Variants in TNPO3 observed in about 807,000 individuals in gnomAD.
TNPO3 encodes the protein transportin-3.
Under a neutral mutation model 122.8 loss-of-function variants are expected in TNPO3, and 65 were observed. That is an observed-to-expected ratio of 0.53 (90% CI 0.43 to 0.65). TNPO3 has a LOEUF of 0.65. TNPO3 is among the 30% of genes least tolerant of loss of function. The probability of loss-of-function intolerance (pLI) is 0.00; values close to 1 mark genes in which losing one functional copy is unlikely to be tolerated. For synonymous variants in TNPO3, 372 were observed against 411.2 expected (o/e 0.90, Z 1.15); for missense variants, 850 against 1,136.7 (o/e 0.75, Z 3.63).
chr7:129,035,070 C>T (rs983523465), intron 1 of TNPO3, among the ~76,000 whole-genome samples: 2 of 150,608 alleles, frequency 1.3e-5, no homozygotes, highest in African/African-American at 4.9e-5. Context: ...GTCAGGGGAT[C>T]GAGACCATCC....
At chr7:129,032,603 CA>C (rs1204885567) in intron 1 of TNPO3, among the ~76,000 whole-genome samples, 4 of 151,998 alleles carry the variant, frequency 2.6e-5, no homozygotes, top group African/African-American at 9.7e-5. Context: ...ATTCCATTTA[CA>C]ATAGAATAAA....
At chr7:128,960,698 T>TA (rs905289997) in intron 21 of TNPO3, among the ~76,000 whole-genome samples, 112 of 151,822 alleles carry the variant, frequency 7.4e-4, no homozygotes, top group Middle Eastern at 6.8e-3. Context: ...GTCCAAGAGT[T>TA]AAAAAAAATT....
intron 1 of TNPO3, among the ~76,000 whole-genome samples, chr7:129,025,385 A>C (rs916229017): frequency 2.0e-3 from 269 of 137,938 alleles, no homozygotes; most frequent in South Asian, 3.5e-3. Flanking sequence ...AAAAAAAAAA[A>C]AAAAAAAAAA....
intron 10 of TNPO3, 89 bp downstream of exon 10, chr7:128,991,910 G>A (rs1800782887): frequency 2.4e-6 from 2 of 836,494 alleles, no homozygotes; most frequent in East Asian, 5.3e-5. Flanking sequence ...AAGTCTCCAG[G>A]TATATACCAT....
intron 1 of TNPO3, among the ~76,000 whole-genome samples, chr7:129,020,767 T>C (rs551606844): frequency 4.6e-5 from 7 of 152,134 alleles, no homozygotes; most frequent in Admixed American, 4.6e-4. Context: ...GCAAAAAGAT[T>C]CTATGAAGCT....
intron 21 of TNPO3, among the ~76,000 whole-genome samples, chr7:128,962,725 G>A (rs1797587254): frequency 6.6e-6 from 1 of 152,306 alleles, no homozygotes; most frequent in Middle Eastern, 3.4e-3. Context: ...TATAGGAAGA[G>A]CTGCAAAACT....
intron 19 of TNPO3, among the ~76,000 whole-genome samples, chr7:128,971,947 G>A (rs1023072994): frequency 6.6e-6 from 1 of 152,170 alleles, no homozygotes; most frequent in African/African-American, 2.4e-5. Context: ...CTTGAGGCCA[G>A]GAGTTCAAGA....
chr7:128,955,764 C>T (rs1796836138), intron 22 of TNPO3, among the ~76,000 whole-genome samples: 1 of 152,180 alleles, frequency 6.6e-6, no homozygotes, highest in South Asian at 2.1e-4. Context: ...AAGGCTTTGC[C>T]TACTAATAAC....
In TNPO3 at chr7:128,986,709, G is replaced by T; in HGVS notation, c.1690+20C>A. 1.3e-6 allele frequency: 2 copies of T among 1,598,478 alleles called. No homozygotes were observed. Among genetic ancestry groups the T allele is most frequent in the Non-Finnish European group, 1.7e-6 (2 of 1,172,932 alleles). On this transcript the variant is annotated intron_variant, in intron 12 of 22. Coordinates refer to ENST00000265388, the MANE Select transcript of TNPO3 (RefSeq NM_012470.4). Reference sequence around the variant, plus strand: ...TAGTGGCTTTGAGGTGACTATTAGTGGTTAACATCAAGTGAGTACCTTTTA... The same window carrying T: ...TAGTGGCTTTGAGGTGACTATTAGTTGTTAACATCAAGTGAGTACCTTTTA...
intron 1 of TNPO3, among the ~76,000 whole-genome samples, chr7:129,053,039 T>C (rs1015000612): frequency 2.0e-5 from 3 of 152,000 alleles, no homozygotes; most frequent in African/African-American, 7.2e-5. Flanking sequence ...AAAGTCAAAG[T>C]TGCAGCGGGG....
At position 128,986,845 on chromosome 7, in the gene TNPO3, T is replaced by C. The variant is rs1368231783; in HGVS notation, c.1574A>G (p.Asn525Ser). The change falls in exon 12 of 23, where the codon AAC becomes AGC. Residue 525 changes from asparagine to serine, a missense_variant. Asn to Ser is a conservative substitution (Grantham distance 46). Transcript: ENST00000265388. ...LASAAAKAIH[N>S]ICSVCRDHMA... ...GTGATCTCGGCAGACAGAGCAAATG[T>C]TATGAATGGCTTTGGCTGCAGCAGA... The C allele has an allele frequency of 3.1e-6, 5 of 1,614,070 alleles. No individual in the cohort carries two copies. The highest frequency in any genetic ancestry group is 3.4e-6 in the Non-Finnish European group (4 of 1,179,992).
intron 16 of TNPO3, among the ~76,000 whole-genome samples, chr7:128,977,035 G>A (rs3778750): frequency 1.3e-5 from 2 of 151,970 alleles, no homozygotes; most frequent in East Asian, 1.9e-4. Flanking sequence ...TAGATAATAC[G>A]TAAATGAATT....
In TNPO3 at chr7:129,027,589, A is replaced by C. The variant is rs533944774; in HGVS notation, c.121-9432T>G. On this transcript the variant is annotated intron_variant, in intron 1 of 22. Transcript: ENST00000265388. ...AAAAAAAAAAAAAAAAAAAAAAAAA[A>C]AACAACACAAAAAATTCACTAAATA... 1.5e-4 allele frequency among the ~76,000 whole-genome samples: 12 copies of C among 77,498 alleles called. 1 individual carries two copies. The highest frequency in any genetic ancestry group is 4.2e-4 in the Admixed American group (3 of 7,070). 50.8% of individuals were successfully genotyped at this position (77,498 alleles called of 152,430 possible).
intron 4 of TNPO3, among the ~76,000 whole-genome samples, chr7:129,007,812 A>C (rs1422736216): frequency 1.3e-5 from 2 of 152,208 alleles, no homozygotes; most frequent in Non-Finnish European, 2.9e-5. Flanking sequence ...TCACTATCTA[A>C]AGCCACAAGA....
intron 8 of TNPO3, among the ~76,000 whole-genome samples, chr7:128,996,166 C>T (rs1319204041): frequency 6.6e-6 from 1 of 152,164 alleles, no homozygotes; most frequent in African/African-American, 2.4e-5. Context: ...ATAAAACTTA[C>T]TGCAGGTCCT....
chr7:128,997,272 A>G, intron 8 of TNPO3, 117 bp downstream of exon 8: 6 of 1,108,930 alleles, frequency 5.4e-6, no homozygotes, highest in Non-Finnish European at 7.7e-6. Flanking sequence ...GTGCTGGACT[A>G]CAGGCATGAG....
At chr7:129,038,423 G>A (rs762858992) in intron 1 of TNPO3, among the ~76,000 whole-genome samples, 7 of 152,146 alleles carry the variant, frequency 4.6e-5, no homozygotes, top group South Asian at 2.1e-4. Flanking sequence ...GCAATGTGGC[G>A]ATTCCTTGAA....
chr7:128,978,395 T>C (rs1207008863), intron 16 of TNPO3, among the ~76,000 whole-genome samples: 1 of 152,138 alleles, frequency 6.6e-6, no homozygotes, highest in Non-Finnish European at 1.5e-5. Context: ...CTACATTTTT[T>C]CCCCAAGGAT....
intron 4 of TNPO3, among the ~76,000 whole-genome samples, chr7:129,008,307 A>G (rs1357222744): frequency 3.3e-5 from 5 of 152,072 alleles, no homozygotes; most frequent in Non-Finnish European, 7.4e-5. Context: ...GCTTGAGCCC[A>G]GGAGTTCTAG....
Sources: allele counts gnomAD v4.1 joint callset (sites outside exome capture counted in the v4.1 genomes callset), GRCh38; gene constraint gnomAD v4.1.1; transcripts MANE v1.5; gene names NCBI Gene and HGNC (gene_info 2026-07-23, HGNC 2026-07-21).